The following ZDHHC18 variants were observed in gnomAD, a reference collection of about 807,000 sequenced individuals.
ZDHHC18 encodes palmitoyltransferase ZDHHC18.
ZDHHC18 carries 23 observed loss-of-function variants against 37.5 expected under a neutral mutation model. That is an observed-to-expected ratio of 0.61 (90% CI 0.44 to 0.87). ZDHHC18 has a LOEUF of 0.87. ZDHHC18 is among the 40% of genes least tolerant of loss of function. ZDHHC18 has a pLI of 0.00. For missense variants in ZDHHC18, 406 were observed against 525.6 expected (o/e 0.77, Z 2.22); for synonymous variants, 185 against 218.7 (o/e 0.85, Z 1.36).
chr1:26,826,902 C>A lies in ZDHHC18; in HGVS notation c.98C>A (p.Pro33Gln). 1 of 984,684 alleles carries A rather than the reference C, an allele frequency of 1.0e-6. No individual in the cohort carries two copies. The highest frequency in any genetic ancestry group is 4.5e-5 in the South Asian group (1 of 22,090). The allele number at this position is 984,684 out of a possible 1,614,324, so 61.0% of individuals were successfully genotyped here. A position where few individuals can be genotyped will look rare whatever the true frequency, so the allele number is the denominator to read the frequency against. Reference sequence around the variant, plus strand: ...CCCGGCCCCGCCGCGTCCCCGACTCCGGGCCCCGGGCCCGCGCCGCCCGCC... The same window carrying A: ...CCCGGCCCCGCCGCGTCCCCGACTCAGGGCCCCGGGCCCGCGCCGCCCGCC... ...RRPGPAASPT[P>Q]GPGPAPPAAP... Residue 33 changes from proline (P) to glutamine (Q), a missense_variant, in exon 1 of 8, where the codon CCG becomes CAG. By Grantham distance (76) the Pro-to-Gln change is moderately conservative. Coordinates refer to ENST00000374142, the MANE Select transcript of ZDHHC18 (RefSeq NM_032283.3). The surrounding 1 kb of genome is among the most constrained non-coding windows in gnomAD (Gnocchi z 5.2).
In ZDHHC18 at chr1:26,853,293, C is replaced by T. The variant is rs370031576; in HGVS notation, c.1049+428C>T. 33 of 241,660 alleles carry T rather than the reference C, an allele frequency of 1.4e-4. No individual in the cohort carries two copies. In the East Asian group the frequency reaches 3.0e-3, roughly 22 times the overall value. 15.0% of individuals were successfully genotyped at this position (241,660 alleles called of 1,614,324 possible). On this transcript the variant is annotated intron_variant, in intron 7 of 7. Coordinates refer to ENST00000374142, the MANE Select transcript of ZDHHC18 (RefSeq NM_032283.3). ...ACCAGGGGGCACCAGAGTTCCAGAA[C>T]GGGGATTACATTGCTGTGGGTACTG...
At chr1:26,842,782 T>G (rs1381954467) in intron 2 of ZDHHC18, among the ~76,000 whole-genome samples, 1 of 152,290 alleles carries the variant, frequency 6.6e-6, no homozygotes, top group African/African-American at 2.4e-5. Context: ...GAAGCATGTT[T>G]GCTTCACTGA....
At chr1:26,843,412 A>G (rs1211950848) in intron 2 of ZDHHC18, among the ~76,000 whole-genome samples, 1 of 150,054 alleles carries the variant, frequency 6.7e-6, no homozygotes, top group Admixed American at 6.7e-5. Flanking sequence ...AAGTGCTGGG[A>G]TTACAGGCGT....
intron 1 of ZDHHC18, among the ~76,000 whole-genome samples, chr1:26,827,788 T>C (rs1257043489): frequency 2.6e-5 from 4 of 152,092 alleles, no homozygotes; most frequent in African/African-American, 9.7e-5. Flanking sequence ...TCTTTGGGCC[T>C]CTCGGGCCCC....
intron 1 of ZDHHC18, among the ~76,000 whole-genome samples, chr1:26,828,241 C>G (rs2081568270): frequency 6.7e-6 from 1 of 149,174 alleles, no homozygotes; most frequent in African/African-American, 2.5e-5. Flanking sequence ...TGTCCCCTCC[C>G]AACTCCCCAT....
At chr1:26,840,774 A>G (rs2081634973) in intron 2 of ZDHHC18, among the ~76,000 whole-genome samples, 1 of 151,460 alleles carries the variant, frequency 6.6e-6, no homozygotes, top group Admixed American at 6.6e-5. Flanking sequence ...TTTTTTAGAG[A>G]CACAGCCTCG....
At position 26,853,720 on chromosome 1, in the gene ZDHHC18, T is replaced by C. The variant is rs1163105235; in HGVS notation, c.1050-6T>C. The C allele has an allele frequency of 6.2e-7, 1 of 1,613,826 alleles. No homozygotes were observed. The highest frequency in any genetic ancestry group is 8.5e-7 in the Non-Finnish European group (1 of 1,179,922). On this transcript the variant is annotated splice_region_variant and splice_polypyrimidine_tract_variant and intron_variant, in intron 7 of 7. Transcript: ENST00000374142. ...GCCCTCATGTGTCTCCCTTGTGTTT[T>C]GGAAGCCTAATTGACCGGAGGGGAT...
chr1:26,853,853 A>C lies in ZDHHC18; in HGVS notation c.*10A>C. ...AGGAGGCCACCCCTGACCACGGCTC[A>C]GTACTTGCCACCTGCTGGCCTGTCT... is the stretch of plus-strand genomic sequence containing the variant. On this transcript the variant is annotated 3_prime_UTR_variant, in exon 8 of 8. Coordinates refer to ENST00000374142, the MANE Select transcript of ZDHHC18 (RefSeq NM_032283.3). 1 of 1,612,050 alleles carries C rather than the reference A, an allele frequency of 6.2e-7. No individual in the cohort carries two copies. Among genetic ancestry groups the C allele is most frequent in the Non-Finnish European group, 8.5e-7 (1 of 1,179,284 alleles).
At chr1:26,843,995 G>T (rs1211853583) in intron 2 of ZDHHC18, among the ~76,000 whole-genome samples, 1 of 151,926 alleles carries the variant, frequency 6.6e-6, no homozygotes. Context: ...GCCTATTTTT[G>T]AACATTTTGT....
intron 1 of ZDHHC18, among the ~76,000 whole-genome samples, chr1:26,831,697 C>T (rs1195008359): frequency 6.6e-6 from 1 of 152,190 alleles, no homozygotes; most frequent in Non-Finnish European, 1.5e-5. Context: ...GACCATTCAG[C>T]AGGCACAGGC....
At chr1:26,844,933 T>C (rs1377978608) in intron 2 of ZDHHC18, among the ~76,000 whole-genome samples, 6 of 151,570 alleles carry the variant, frequency 4.0e-5, no homozygotes, top group Non-Finnish European at 8.8e-5. Context: ...TTGGTTTTTT[T>C]TTTTTGAGAT....
chr1:26,827,388 C>A (rs1034478526), intron 1 of ZDHHC18, among the ~76,000 whole-genome samples: 1 of 151,600 alleles, frequency 6.6e-6, no homozygotes, highest in African/African-American at 2.4e-5. Context: ...CCCTCCCAGC[C>A]CCTCCATTCT....
chr1:26,853,614 C>G, intron 7 of ZDHHC18, 112 bp from the exon 8 acceptor site: 2 of 1,026,280 alleles, frequency 1.9e-6, no homozygotes, highest in South Asian at 2.9e-5. Flanking sequence ...CTTTCCTCAG[C>G]CTTTCTCAGC....
rs576098532 is a variant in ZDHHC18, at chr1:26,848,837, G to A, written c.646+80G>A. On this transcript the variant is annotated intron_variant, in intron 3 of 7. Transcript: ENST00000374142. ...TGGGGATGGGGGGCATCAAGCATGGGGATGGCGTGGGCAGGGTCTGAAATA... is the reference window on the plus strand; with the variant it reads ...TGGGGATGGGGGGCATCAAGCATGGAGATGGCGTGGGCAGGGTCTGAAATA... 5.9e-6 allele frequency: 9 copies of A among 1,538,332 alleles called. No individual in the cohort carries two copies. The South Asian group carries it at 8.3e-5, about 14-fold the overall frequency.
chr1:26,840,447 T>A (rs2081632069), intron 2 of ZDHHC18, among the ~76,000 whole-genome samples: 1 of 152,246 alleles, frequency 6.6e-6, no homozygotes, highest in African/African-American at 2.4e-5. Context: ...TGTTCCATTT[T>A]ATTTTATTTT....
intron 2 of ZDHHC18, among the ~76,000 whole-genome samples, chr1:26,847,759 G>A (rs1314576454): frequency 2.0e-5 from 3 of 150,816 alleles, no homozygotes; most frequent in Non-Finnish European, 3.0e-5. Context: ...TTGACTCACT[G>A]CAGCCTTCAC....
At chr1:26,827,295 T>A (rs955881953) in intron 1 of ZDHHC18, among the ~76,000 whole-genome samples, 156 bp downstream of exon 1, 1 of 33,406 alleles carries the variant, frequency 3.0e-5, no homozygotes, top group Non-Finnish European at 5.9e-5. Context: ...TCTGCCCCCC[T>A]GGCCCCTGCG....
At chr1:26,837,446 A>ATT (rs1226202945) in intron 2 of ZDHHC18, among the ~76,000 whole-genome samples, 67 of 146,214 alleles carry the variant, frequency 4.6e-4, no homozygotes, top group African/African-American at 1.6e-3. Flanking sequence ...TAACATATTT[A>ATT]ATATATTATG....
At chr1:26,846,136 ATATG>A (rs2081662807) in intron 2 of ZDHHC18, among the ~76,000 whole-genome samples, 1 of 149,246 alleles carries the variant, frequency 6.7e-6, no homozygotes, top group Non-Finnish European at 1.5e-5. Context: ...GTGTGTATAT[ATATG>A]TGTGTATATA....
Sources: allele counts gnomAD v4.1 joint callset (sites outside exome capture counted in the v4.1 genomes callset), GRCh38; gene constraint gnomAD v4.1.1; non-coding constraint Gnocchi (gnomAD v3.1); transcripts MANE v1.5; gene names NCBI Gene and HGNC (gene_info 2026-07-23, HGNC 2026-07-21).